The following TDP1 variants were observed in gnomAD, a reference collection of about 807,000 sequenced individuals.
TDP1 encodes the protein tyr-DNA phosphodiesterase 1.
A neutral mutation model predicts 81.5 loss-of-function variants in TDP1; 64 were observed. That is an observed-to-expected ratio of 0.79 (90% CI 0.64 to 0.97). The LOEUF (loss-of-function observed/expected upper bound fraction) is 0.97, where lower values mean the gene tolerates loss of function less well. TDP1 is among the 50% of genes least tolerant of loss of function. The probability of loss-of-function intolerance (pLI) is 0.00; values close to 1 mark genes in which losing one functional copy is unlikely to be tolerated. For missense variants in TDP1, 723 were observed against 743.8 expected, an observed-to-expected ratio of 0.97 and a Z score of 0.33; for synonymous variants, 256 against 264.3, an observed-to-expected ratio of 0.97 and a Z score of 0.30.
At chr14:89,992,718 G>A (rs1896320116) in intron 13 of TDP1, among the ~76,000 whole-genome samples, 1 of 152,126 alleles carries the variant, frequency 6.6e-6, no homozygotes, top group Non-Finnish European at 1.5e-5. Flanking sequence ...AATGAAGACA[G>A]TGATGGTACC....
At chr14:89,964,522 T>C (rs958789747) in intron 3 of TDP1, among the ~76,000 whole-genome samples, 2 of 152,238 alleles carry the variant, frequency 1.3e-5, no homozygotes, top group African/African-American at 4.8e-5. Context: ...ATTTCAGATT[T>C]TTTTCCTGTC....
At position 89,971,353 on chromosome 14, in the gene TDP1, G is replaced by A. The variant is rs533584875; in HGVS notation, c.756+82G>A. The A allele has an allele frequency of 3.0e-4, 302 of 1,018,288 alleles. 1 individual carries two copies. The highest frequency in any genetic ancestry group is 3.8e-4 in the Non-Finnish European group (246 of 651,348). 63.1% of individuals were successfully genotyped at this position (1,018,288 alleles called of 1,614,324 possible). Reference sequence around the variant, plus strand: ...GACATTTAGTCCACCCTCTCACTTAGTGCAGAAATCCTCTCTCCAGCATCA... The same window carrying A: ...GACATTTAGTCCACCCTCTCACTTAATGCAGAAATCCTCTCTCCAGCATCA... On this transcript the variant is annotated intron_variant, in intron 6 of 16. Transcript: ENST00000335725.
intron 15 of TDP1, among the ~76,000 whole-genome samples, chr14:90,026,228 CTT>C (rs1886632625): frequency 6.6e-6 from 1 of 152,258 alleles, no homozygotes; most frequent in African/African-American, 2.4e-5. Context: ...TTAACCCTCT[CTT>C]TGTCTTCTTC....
At chr14:90,024,885 T>G (rs544692039) in intron 15 of TDP1, among the ~76,000 whole-genome samples, 1 of 152,334 alleles carries the variant, frequency 6.6e-6, no homozygotes, top group South Asian at 2.1e-4. Flanking sequence ...TGTTTTTGGC[T>G]TCATGTTTGC....
chr14:90,001,473 G>GA (rs1198962209), intron 14 of TDP1, among the ~76,000 whole-genome samples: 1 of 152,088 alleles, frequency 6.6e-6, no homozygotes, highest in East Asian at 1.9e-4. Context: ...TTACTGTAGA[G>GA]AAAAAATGAG....
Position 89,992,451 on chromosome 14 carries a change from C to T in TDP1, c.1433+468C>T, listed in dbSNP as rs563851202. ...CTGAGTGGACAAGTGAAGGGAATGTCCTTCACCCTCCTCCAGCCACAGCAG... is the reference window on the plus strand; with the variant it reads ...CTGAGTGGACAAGTGAAGGGAATGTTCTTCACCCTCCTCCAGCCACAGCAG... On this transcript the variant is annotated intron_variant, in intron 13 of 16. Coordinates refer to ENST00000335725, the MANE Select transcript of TDP1 (RefSeq NM_018319.4). 2.5e-4 allele frequency among the ~76,000 whole-genome samples: 38 copies of T among 152,264 alleles called. 1 individual carries two copies. The highest frequency in any genetic ancestry group is 9.1e-4 in the African/African-American group (38 of 41,540).
intron 15 of TDP1, among the ~76,000 whole-genome samples, chr14:90,024,070 T>C (rs536454763): frequency 1.9e-4 from 29 of 152,332 alleles, no homozygotes; most frequent in South Asian, 1.7e-3. Context: ...TCTATGCTAC[T>C]CCTCAGTCCA....
intron 6 of TDP1, 116 bp downstream of exon 6, chr14:89,971,387 T>G (rs1893640631): frequency 1.3e-6 from 1 of 771,386 alleles, no homozygotes; most frequent in Admixed American, 2.0e-5. Flanking sequence ...CAGTCATCAA[T>G]AGATATTTGT....
At chr14:89,974,465 G>A (rs755416724) in intron 6 of TDP1, among the ~76,000 whole-genome samples, 1 of 152,188 alleles carries the variant, frequency 6.6e-6, no homozygotes, top group Non-Finnish European at 1.5e-5. Flanking sequence ...ACAGATGCAT[G>A]CTGGTCTGTG....
chr14:89,988,532 A>G, intron 10 of TDP1: 2 of 927,798 alleles, frequency 2.2e-6, no homozygotes, highest in South Asian at 9.9e-5. Flanking sequence ...TACATATTTC[A>G]TAGCATCAAA....
At chr14:89,996,422 CT>C (rs945354371) in intron 14 of TDP1, among the ~76,000 whole-genome samples, 5 of 152,336 alleles carry the variant, frequency 3.3e-5, no homozygotes, top group South Asian at 4.1e-4. Flanking sequence ...CCTTTCATCC[CT>C]TTTCTCTCTT....
chr14:90,022,533 G>C (rs1410326581), intron 15 of TDP1, among the ~76,000 whole-genome samples: 1 of 152,236 alleles, frequency 6.6e-6, no homozygotes, highest in African/African-American at 2.4e-5. Context: ...CCCGGAGAAA[G>C]AGCCTGTTTC....
chr14:89,969,592 C>T (rs1306011451), intron 5 of TDP1, among the ~76,000 whole-genome samples: 2 of 152,226 alleles, frequency 1.3e-5, no homozygotes, highest in East Asian at 1.9e-4. Context: ...GTGTTTCTTA[C>T]ATTATTCTGT....
chr14:89,973,415 G>A, intron 6 of TDP1, among the ~76,000 whole-genome samples: 1 of 152,190 alleles, frequency 6.6e-6, no homozygotes, highest in East Asian at 1.9e-4. Context: ...TTCCAGGCTG[G>A]CCACCAGAGG....
chr14:90,016,530 A>G (rs1885330984), intron 14 of TDP1, among the ~76,000 whole-genome samples: 1 of 152,124 alleles, frequency 6.6e-6, no homozygotes, highest in Non-Finnish European at 1.5e-5. Context: ...CACAAAAACC[A>G]CATGGGTTTC....
chr14:89,960,059 G>A (rs867894408), intron 2 of TDP1, among the ~76,000 whole-genome samples: 19 of 152,122 alleles, frequency 1.2e-4, no homozygotes, highest in South Asian at 8.3e-4. Flanking sequence ...ATTACTCACC[G>A]CCTTGGTTTA....
At chr14:89,991,827 C>T in intron 12 of TDP1, 90 bp from the exon 13 acceptor site, 6 of 1,346,636 alleles carry the variant, frequency 4.5e-6, no homozygotes, top group Admixed American at 4.1e-5. Flanking sequence ...TTCCTGTTAC[C>T]TTCTTGCTGT....
At chr14:89,959,628 CA>C (rs1262536743) in intron 2 of TDP1, among the ~76,000 whole-genome samples, 3 of 151,918 alleles carry the variant, frequency 2.0e-5, no homozygotes, top group Middle Eastern at 3.4e-3. Flanking sequence ...AGCAGAACCC[CA>C]AAAAAAGGCT....
At chr14:89,967,614 G>A (rs1176093658) in intron 5 of TDP1, among the ~76,000 whole-genome samples, 192 bp downstream of exon 5, 1 of 152,038 alleles carries the variant, frequency 6.6e-6, no homozygotes, top group African/African-American at 2.4e-5. Flanking sequence ...TTCTTTTTAC[G>A]GATTTTAGCA....
Sources: gnomAD v4.1 joint callset for allele counts (sites outside exome capture counted in the v4.1 genomes callset) on GRCh38, gnomAD v4.1.1 for gene constraint, MANE v1.5 for transcripts, NCBI Gene and HGNC (gene_info 2026-07-23, HGNC 2026-07-21) for gene names.